The following SRFBP1 variants were observed in gnomAD, a reference collection of about 807,000 sequenced individuals.
The protein encoded by SRFBP1 is serum response factor binding protein 1.
SRFBP1 carries 47 observed loss-of-function variants against 45.5 expected under a neutral mutation model. The ratio of observed to expected loss-of-function variants is 1.03; its 90% CI spans 0.82 to 1.32. The LOEUF is 1.32. Ranked by LOEUF, SRFBP1 falls within the 40% of genes most tolerant of loss-of-function variation. The probability of loss-of-function intolerance (pLI) is 0.00; values close to 1 mark genes in which losing one functional copy is unlikely to be tolerated. For missense variants in SRFBP1, 621 were observed against 484.6 expected (o/e 1.28, Z -2.64); for synonymous variants, 203 against 166.3 (o/e 1.22, Z -1.70).
In SRFBP1 at chr5:122,027,124, T is replaced by C. The variant is rs552280551; in HGVS notation, c.1288T>C (p.Ter430ArgextTer11). The C allele has an allele frequency of 1.4e-5, 22 of 1,594,940 alleles. No homozygotes were observed. The highest frequency in any genetic ancestry group is 1.7e-5 in the Non-Finnish European group (20 of 1,173,506). Residue 430 changes from the stop codon to arginine, a stop_lost, in exon 8 of 8, where the codon TGA becomes CGA. Transcript: ENST00000339397. Reference sequence around the variant, plus strand: ...GGGGAAAAAAATTACGTTTGATGATTGATTAGTGCCTCTTTCTGCAAACTT... The same window carrying C: ...GGGGAAAAAAATTACGTTTGATGATCGATTAGTGCCTCTTTCTGCAAACTT... ...FQGKKITFDD[*>R]
intron 3 of SRFBP1, among the ~76,000 whole-genome samples, chr5:121,978,817 C>G (rs555349791): frequency 6.6e-6 from 1 of 152,082 alleles, no homozygotes; most frequent in East Asian, 1.9e-4. Flanking sequence ...TTAACCTCTT[C>G]CTCTCTTAAG....
intron 1 of SRFBP1, 126 bp from the exon 2 acceptor site, chr5:121,974,070 G>T: frequency 3.4e-6 from 2 of 589,424 alleles, no homozygotes; most frequent in Non-Finnish European, 6.0e-6. Flanking sequence ...ATCAAGCTAC[G>T]AATATAGTTA....
At chr5:122,052,966 T>C (rs1014927327) in intron 2 of SRFBP1, among the ~76,000 whole-genome samples, 15 of 151,594 alleles carry the variant, frequency 9.9e-5, no homozygotes, top group African/African-American at 2.9e-4. Context: ...TGGTATAAGG[T>C]GGGTTTGGCT....
chr5:122,049,196 G>A (rs367827908), intron 2 of SRFBP1, among the ~76,000 whole-genome samples: 2 of 152,088 alleles, frequency 1.3e-5, no homozygotes, highest in East Asian at 1.9e-4. Context: ...CCAAGCAAAT[G>A]GAAGACAAAA....
At chr5:121,993,595 T>C (rs893142454) in intron 3 of SRFBP1, among the ~76,000 whole-genome samples, 1 of 152,146 alleles carries the variant, frequency 6.6e-6, no homozygotes, top group Non-Finnish European at 1.5e-5. Flanking sequence ...ATTTGAGTCT[T>C]ACTTTTCACT....
chr5:121,965,754 G>C (rs1159911506), intron 1 of SRFBP1, among the ~76,000 whole-genome samples: 1 of 152,132 alleles, frequency 6.6e-6, no homozygotes, highest in Non-Finnish European at 1.5e-5. Flanking sequence ...GATGGGGATA[G>C]CTTTAAATCT....
At chr5:121,999,043 G>GT (rs938852218) in intron 4 of SRFBP1, among the ~76,000 whole-genome samples, 3 of 151,744 alleles carry the variant, frequency 2.0e-5, no homozygotes, top group African/African-American at 7.3e-5. Flanking sequence ...CTTGATTTGT[G>GT]TTTTTTTCTG....
chr5:122,022,514 A>G (rs1174454939), intron 7 of SRFBP1, 107 bp downstream of exon 7: 1 of 891,798 alleles, frequency 1.1e-6, no homozygotes, highest in Non-Finnish European at 1.7e-6. Context: ...TGAATTATGT[A>G]CCCACAGAAA....
chr5:121,995,728 G>C (rs975283384), intron 4 of SRFBP1, among the ~76,000 whole-genome samples: 4 of 151,942 alleles, frequency 2.6e-5, no homozygotes, highest in Non-Finnish European at 4.4e-5. Context: ...CCAGGAGCTG[G>C]TTTTTTGAAA....
In SRFBP1 at chr5:122,022,416, T is replaced by C; in HGVS notation, c.1105+9T>C. ...AAAAACAAGATCCCTAGGTATGTAT[T>C]CATAGTTGCCTGACCTTCATATGCA... On this transcript the variant is annotated intron_variant, in intron 7 of 7. Transcript: ENST00000339397. The C allele has an allele frequency of 6.2e-7, 1 of 1,607,764 alleles. No homozygotes were observed. The highest frequency in any genetic ancestry group is 8.5e-7 in the Non-Finnish European group (1 of 1,177,810).
chr5:122,038,939 C>G (rs148151476), intron 2 of SRFBP1, among the ~76,000 whole-genome samples: 2 of 152,136 alleles, frequency 1.3e-5, no homozygotes, highest in African/African-American at 4.8e-5. Flanking sequence ...CACTCTCCAT[C>G]ATTTATTTCA....
chr5:122,058,252 A>G (rs577609717), intron 2 of SRFBP1, among the ~76,000 whole-genome samples: 1 of 152,282 alleles, frequency 6.6e-6, no homozygotes, highest in Non-Finnish European at 1.5e-5. Context: ...TTTTCTTCAC[A>G]TGAGCACCAT....
intron 2 of SRFBP1, chr5:122,070,608 A>C: frequency 7.3e-7 from 1 of 1,366,084 alleles, no homozygotes; most frequent in East Asian, 2.3e-5. Context: ...AACAAAATAA[A>C]AAATTTAAAA....
downstream of SRFBP1, chr5:122,077,606 G>A: frequency 1.2e-6 from 2 of 1,612,412 alleles, no homozygotes; most frequent in Non-Finnish European, 1.7e-6. This position sits in a 1 kb window ranked among gnomAD's most constrained non-coding sequence, Gnocchi z 4.9. Flanking sequence ...CGAGTAGCCA[G>A]CTTGGAACCA....
chr5:122,052,702 A>C (rs1484644424), intron 2 of SRFBP1, among the ~76,000 whole-genome samples: 4 of 151,962 alleles, frequency 2.6e-5, no homozygotes, highest in Non-Finnish European at 4.4e-5. Context: ...ATTCTCCTCA[A>C]CCTCAATGAT....
chr5:122,058,177 T>C (rs1351032994), intron 2 of SRFBP1, among the ~76,000 whole-genome samples: 1 of 152,166 alleles, frequency 6.6e-6, no homozygotes, highest in East Asian at 1.9e-4. Context: ...TCATGATTTA[T>C]TGGCAATGTT....
At chr5:122,051,052 G>T (rs958516940) in intron 2 of SRFBP1, among the ~76,000 whole-genome samples, 14 of 152,050 alleles carry the variant, frequency 9.2e-5, no homozygotes, top group Non-Finnish European at 2.1e-4. Flanking sequence ...CTAGGTAATT[G>T]TATGATTTTG....
chr5:122,033,021 A>T (rs182220466), downstream of SRFBP1, among the ~76,000 whole-genome samples: 231 of 152,158 alleles, frequency 1.5e-3, no homozygotes, highest in Admixed American at 2.0e-3. Context: ...TGACAGTAAG[A>T]TGGGTAAGAA....
rs1490833573 is a variant in SRFBP1, at chr5:121,975,394, A to C, written c.198+7A>C. ...AGAAATCCATGCCATGAAGGTAAGGACTTGTGTGGGTGTGTATGTGTGTAT... is the reference window on the plus strand; with the variant it reads ...AGAAATCCATGCCATGAAGGTAAGGCCTTGTGTGGGTGTGTATGTGTGTAT... On this transcript the variant is annotated splice_region_variant and intron_variant, in intron 3 of 7. Transcript: ENST00000339397. 1 of 1,613,006 alleles carries C rather than the reference A, an allele frequency of 6.2e-7. No individual in the cohort carries two copies. Among genetic ancestry groups the C allele is most frequent in the Admixed American group, 1.7e-5 (1 of 59,950 alleles).
Sources: allele counts gnomAD v4.1 joint callset (sites outside exome capture counted in the v4.1 genomes callset), GRCh38; gene constraint gnomAD v4.1.1; non-coding constraint Gnocchi (gnomAD v3.1); transcripts MANE v1.5; gene names NCBI Gene and HGNC (gene_info 2026-07-23, HGNC 2026-07-21).